The following KRT86 variants were observed in gnomAD, a reference collection of about 807,000 sequenced individuals.
KRT86 encodes keratin 86.
KRT86 carries 30 observed loss-of-function variants against 41.2 expected under a neutral mutation model. The ratio of observed to expected loss-of-function variants is 0.73; its 90% CI spans 0.54 to 0.99. The LOEUF is 0.99. KRT86 is among the 50% of genes least tolerant of loss of function. The probability of loss-of-function intolerance (pLI) is 0.00; values close to 1 mark genes in which losing one functional copy is unlikely to be tolerated. For synonymous variants in KRT86, 238 were observed against 238.1 expected, an observed-to-expected ratio of 1.00 and a Z score of 0.00; for missense variants, 561 against 571.4, an observed-to-expected ratio of 0.98 and a Z score of 0.19.
chr12:52,281,543 C>G (rs1361851833), intron 2 of KRT86, among the ~76,000 whole-genome samples: 3 of 152,088 alleles, frequency 2.0e-5, no homozygotes, highest in Admixed American at 2.0e-4. Flanking sequence ...CTTGTGGAGT[C>G]TAAATGCAGT....
At chr12:52,279,131 C>A (rs1318314941) in intron 2 of KRT86, 2 of 152,268 alleles carry the variant, frequency 1.3e-5, no homozygotes, top group Non-Finnish European at 2.9e-5. Flanking sequence ...GGCTCCGGCG[C>A]CCTGGAGACG....
chr12:52,279,493 C>T (rs1261020174), intron 2 of KRT86, among the ~76,000 whole-genome samples: 1 of 152,174 alleles, frequency 6.6e-6, no homozygotes, highest in Non-Finnish European at 1.5e-5. Context: ...GAACTGTTCC[C>T]ACCCCTTCTT....
At chr12:52,283,534 A>G (rs1937833281) in intron 2 of KRT86, among the ~76,000 whole-genome samples, 1 of 131,458 alleles carries the variant, frequency 7.6e-6, no homozygotes, top group Non-Finnish European at 1.5e-5. Context: ...GCTGGAATGC[A>G]ATGGCGCCAT....
intron 3 of KRT86, 95 bp downstream of exon 3, chr12:52,302,380 C>A: frequency 2.3e-6 from 1 of 433,480 alleles, no homozygotes; most frequent in Non-Finnish European, 3.9e-6. Flanking sequence ...AAGACCTCTG[C>A]CTGCCTGAGA....
At position 52,288,022 on chromosome 12, in the gene KRT86, G is replaced by A. The variant is rs144716678; in HGVS notation, c.-5+12076G>A. On this transcript the variant is annotated intron_variant, in intron 2 of 10. Coordinates refer to ENST00000423955, the MANE Select transcript of KRT86 (RefSeq NM_001320198.2). ...CAGGACTCGGCCTCGGCCCGGCTGC[G>A]GGTGACAATGTCGTCATACTGTGCC... 4.8e-4 allele frequency: 770 copies of A among 1,614,176 alleles called. 1 individual carries two copies. The highest frequency in any genetic ancestry group is 5.8e-4 in the Non-Finnish European group (683 of 1,180,036).
At chr12:52,286,219 A>G (rs745373993) in intron 2 of KRT86, 3 of 1,530,316 alleles carry the variant, frequency 2.0e-6, no homozygotes. Context: ...GCAGGGCAGG[A>G]AAGATGCCTG....
chr12:52,275,046 G>T (rs1029700849), intron 1 of KRT86: 1 of 152,214 alleles, frequency 6.6e-6, no homozygotes. Flanking sequence ...CTCCCCTCTT[G>T]CACGTGGTGG....
Position 52,302,007 on chromosome 12 carries a change from C to G in KRT86, c.91C>G (p.Pro31Ala). ...CGGCCGCTGCTGCATCACCGCCGCC[C>G]CCTACCGTGGCATCTCCTGCTACCG... ...RPGRCCITAA[P>A]YRGISCYRGL... Residue 31 changes from proline to alanine, a missense_variant, in exon 3 of 11, where the codon CCC becomes GCC. Transcript: ENST00000423955. The G allele has an allele frequency of 6.2e-7, 1 of 1,612,322 alleles. No individual in the cohort carries two copies. The highest frequency in any genetic ancestry group is 1.1e-5 in the South Asian group (1 of 90,994).
rs12809407 is a variant in KRT86, at chr12:52,291,649, C to G, written c.-4-10264C>G. 395,564 of 844,292 alleles carry G rather than the reference C, an allele frequency of 0.47. 95,475 individuals are homozygous for G. Among genetic ancestry groups the G allele is most frequent in the Non-Finnish European group, 0.5 (278,544 of 552,138 alleles). The allele number at this position is 844,292 out of a possible 1,614,324, so 52.3% of individuals were successfully genotyped here. A position where few individuals can be genotyped will look rare whatever the true frequency, so the allele number is the denominator to read the frequency against. On this transcript the variant is annotated intron_variant, in intron 2 of 10. Transcript: ENST00000423955. ...GGCTTGGGTGGTTAGCCGGGTCTAACGCCTCTCCAGAATGTGCTTTAATGG... is the reference window on the plus strand; with the variant it reads ...GGCTTGGGTGGTTAGCCGGGTCTAAGGCCTCTCCAGAATGTGCTTTAATGG...
chr12:52,305,999 G>A (rs142503394), intron 8 of KRT86, 61 bp from the exon 9 acceptor site: 5 of 1,603,472 alleles, frequency 3.1e-6, no homozygotes, highest in African/African-American at 1.3e-5. Flanking sequence ...TGGTCTCATC[G>A]AGGTAAGCAT....
chr12:52,300,161 A>T (rs139955986), intron 2 of KRT86, among the ~76,000 whole-genome samples: 3 of 152,368 alleles, frequency 2.0e-5, no homozygotes, highest in African/African-American at 7.2e-5. Flanking sequence ...TGCTGCAACT[A>T]TAATAAGAAA....
intron 2 of KRT86, among the ~76,000 whole-genome samples, chr12:52,293,788 C>A (rs1174537435): frequency 1.3e-5 from 2 of 152,070 alleles, no homozygotes; most frequent in Non-Finnish European, 2.9e-5. Context: ...GAAAAATTAG[C>A]TCGTAAAGTA....
intron 2 of KRT86, chr12:52,287,493 G>A: frequency 6.2e-7 from 1 of 1,606,416 alleles, no homozygotes; most frequent in South Asian, 1.1e-5. Context: ...CATGGACAAA[G>A]GGGGTGGAGA....
In KRT86 at chr12:52,295,537, C is replaced by A. The variant is rs192044742; in HGVS notation, c.-4-6376C>A. Among the ~76,000 whole-genome samples, 21 of 152,282 alleles carry A rather than the reference C, an allele frequency of 1.4e-4. 1 individual carries two copies. Among genetic ancestry groups the A allele is most frequent in the Admixed American group, 1.4e-3 (21 of 15,298 alleles). ...CACAAACACTCATCTTGCCCCATGCCCTCTGCAGGGCCCTGCAGGTTGCTC... is the reference window on the plus strand; with the variant it reads ...CACAAACACTCATCTTGCCCCATGCACTCTGCAGGGCCCTGCAGGTTGCTC... On this transcript the variant is annotated intron_variant, in intron 2 of 10. Transcript: ENST00000423955.
At chr12:52,277,037 C>T (rs918275921) in intron 2 of KRT86, among the ~76,000 whole-genome samples, 1 of 152,204 alleles carries the variant, frequency 6.6e-6, no homozygotes, top group Non-Finnish European at 1.5e-5. Flanking sequence ...CCACCAGCCA[C>T]AGCTGTTCTG....
rs1937816300 is a variant in KRT86, at chr12:52,283,165, G to A, written c.-5+7219G>A. ...AATCCCAGCACTTTGGGAGGCTGAG[G>A]TGGGTGGATCACAAGGTCAGGAGTT... On this transcript the variant is annotated intron_variant, in intron 2 of 10. Transcript: ENST00000423955. Among the ~76,000 whole-genome samples, 3 of 152,066 alleles carry A rather than the reference G, an allele frequency of 2.0e-5. No individual in the cohort carries two copies. In the South Asian group the frequency reaches 6.2e-4, roughly 31 times the overall value.
chr12:52,288,590 T>C, intron 2 of KRT86: 1 of 1,106,570 alleles, frequency 9.0e-7, no homozygotes. Flanking sequence ...TTCCTCCCCT[T>C]CTGCCCTTCC....
chr12:52,308,625 C>T lies in KRT86; in HGVS notation c.*40C>T. On this transcript the variant is annotated 3_prime_UTR_variant, in exon 11 of 11. Coordinates refer to ENST00000423955, the MANE Select transcript of KRT86 (RefSeq NM_001320198.2). ...CGCCAGCGCCTGTCGCCGTCACTCT[C>T]CACCCAGCCAGTACCTCGCGCCACC... The T allele has an allele frequency of 1.3e-6, 2 of 1,576,502 alleles. No individual in the cohort carries two copies. The highest frequency in any genetic ancestry group is 1.7e-6 in the Non-Finnish European group (2 of 1,165,644).
chr12:52,287,058 G>C (rs1937966984), intron 2 of KRT86: 7 of 1,612,364 alleles, frequency 4.3e-6, no homozygotes, highest in African/African-American at 2.7e-5. Context: ...GCTTGTGCCA[G>C]GGATGGGGAA....
Sources: allele counts gnomAD v4.1 joint callset (sites outside exome capture counted in the v4.1 genomes callset), GRCh38; gene constraint gnomAD v4.1.1; transcripts MANE v1.5; gene names NCBI Gene and HGNC (gene_info 2026-07-23, HGNC 2026-07-21).